The following ALG14 variants were observed in gnomAD, a reference collection of about 807,000 sequenced individuals.
ALG14 encodes UDP-N-acetylglucosamine transferase subunit ALG14.
In ALG14, 17 loss-of-function variants were observed where a neutral mutation model predicts 22.8. The ratio of observed to expected loss-of-function variants is 0.75; its 90% confidence interval spans 0.51 to 1.12. The LOEUF (loss-of-function observed/expected upper bound fraction) is 1.12, where lower values mean the gene tolerates loss of function less well. Among genes scored for constraint, ALG14 ranks in the 50% most tolerant of loss-of-function variants. The pLI is 0.00. For synonymous variants in ALG14, 89 were observed against 103.7 expected (o/e 0.86, Z 0.86); for missense variants, 288 against 271.8 (o/e 1.06, Z -0.42).
chr1:95,071,736 T>A (rs1675572340), intron 1 of ALG14, among the ~76,000 whole-genome samples: 1 of 152,192 alleles, frequency 6.6e-6, no homozygotes, highest in Non-Finnish European at 1.5e-5. Flanking sequence ...CTTTCAAGTT[T>A]CAGTTTAGCA....
rs1326193720 is a variant in ALG14 at position 95,064,295 on chromosome 1, T to G, written c.288+571A>C. Among the ~76,000 whole-genome samples the G allele has an allele frequency of 2.6e-5, 4 of 152,348 alleles. No individual in the cohort carries two copies. In the East Asian group the frequency reaches 7.7e-4, roughly 29 times the overall value. ...ATTTCTTTCTCTTTCCTGATTGCCC[T>G]GGCCAGAACTTCCAATACTATGTTG... On this transcript the variant is annotated intron_variant, in intron 2 of 3. Coordinates refer to ENST00000370205, the MANE Select transcript of ALG14 (RefSeq NM_144988.4).
chr1:94,979,163 A>G lies in ALG14; in HGVS notation c.*3913T>C, dbSNP rs1307976687. The G allele has an allele frequency of 1.3e-5, 2 of 152,182 alleles. No individual in the cohort carries two copies. Among genetic ancestry groups the G allele is most frequent in the African/African-American group, 4.8e-5 (2 of 41,414 alleles). The allele number at this position is 152,182 out of a possible 1,614,324, so 9.4% of individuals were successfully genotyped here. A position where few individuals can be genotyped will look rare whatever the true frequency, so the allele number is the denominator to read the frequency against. ...GCCAGGTGTGGTGGTGCATGCCTGT[A>G]ATCCCAGCTACTCGGGAGGCTGAGG... is the stretch of plus-strand genomic sequence containing the variant. On this transcript the variant is annotated 3_prime_UTR_variant, in exon 4 of 4. Coordinates refer to ENST00000370205, the MANE Select transcript of ALG14 (RefSeq NM_144988.4).
intron 2 of ALG14, among the ~76,000 whole-genome samples, chr1:95,049,346 C>T (rs1480568437): frequency 6.6e-6 from 1 of 151,918 alleles, no homozygotes; most frequent in Non-Finnish European, 1.5e-5. Flanking sequence ...CAGTCTGGGC[C>T]ACATGGCAAA....
At chr1:95,001,594 C>T (rs189389351) in intron 3 of ALG14, among the ~76,000 whole-genome samples, 37 of 152,274 alleles carry the variant, frequency 2.4e-4, no homozygotes, top group East Asian at 1.2e-3. Flanking sequence ...CTCCCGGGCT[C>T]GAGCAATTCT....
At chr1:95,002,766 A>T (rs1673101590) in intron 3 of ALG14, among the ~76,000 whole-genome samples, 1 of 152,230 alleles carries the variant, frequency 6.6e-6, no homozygotes, top group African/African-American at 2.4e-5. Context: ...GCTGGCAAGC[A>T]CATGTGAGCT....
chr1:95,036,655 G>C (rs1674204384), intron 2 of ALG14, among the ~76,000 whole-genome samples: 1 of 152,014 alleles, frequency 6.6e-6, no homozygotes, highest in Non-Finnish European at 1.5e-5. Flanking sequence ...TCAAACTCCT[G>C]ATTTCAGGTG....
intron 3 of ALG14, among the ~76,000 whole-genome samples, chr1:95,003,691 C>T (rs552135044): frequency 2.0e-5 from 3 of 152,082 alleles, no homozygotes; most frequent in African/African-American, 7.2e-5. Context: ...AACTCTTGGC[C>T]TCAAACAATC....
Position 95,050,201 on chromosome 1 carries a change from T to C in ALG14, c.288+14665A>G, listed in dbSNP as rs531093904. ...GCCAAAGCACAAAGTGCAGTTACTA[T>C]TAATGCTTTAAAATGATCCAGATTT... On this transcript the variant is annotated intron_variant, in intron 2 of 3. Transcript: ENST00000370205. 2.6e-5 allele frequency among the ~76,000 whole-genome samples: 4 copies of C among 152,284 alleles called. No homozygotes were observed. In the East Asian group the frequency reaches 7.7e-4, roughly 29 times the overall value.
At chr1:95,028,921 G>A (rs1673909807) in intron 2 of ALG14, among the ~76,000 whole-genome samples, 1 of 152,132 alleles carries the variant, frequency 6.6e-6, no homozygotes, top group African/African-American at 2.4e-5. Flanking sequence ...TTTAAAATTT[G>A]CAACAAGAAA....
At chr1:95,040,631 A>G (rs902294689) in intron 2 of ALG14, among the ~76,000 whole-genome samples, 7 of 152,196 alleles carry the variant, frequency 4.6e-5, no homozygotes, top group Admixed American at 2.6e-4. Flanking sequence ...GAATTCCAAA[A>G]CAGGCCATGT....
chr1:95,017,997 C>T (rs1276151521), intron 3 of ALG14, among the ~76,000 whole-genome samples: 1 of 152,026 alleles, frequency 6.6e-6, no homozygotes, highest in Non-Finnish European at 1.5e-5. Flanking sequence ...TCTCATTACT[C>T]CTATTTGATA....
chr1:95,055,906 A>T lies in ALG14; in HGVS notation c.288+8960T>A, dbSNP rs549921895. 4.2e-5 allele frequency among the ~76,000 whole-genome samples: 6 copies of T among 142,292 alleles called. No individual in the cohort carries two copies. In the South Asian group the frequency reaches 1.4e-3, roughly 34 times the overall value. 93.3% of individuals were successfully genotyped at this position (142,292 alleles called of 152,430 possible). ...GTGCCTGTAGTCCCAGCTACTTGGG[A>T]GGCTGAGGCAGGAGAATGGCATGAA... On this transcript the variant is annotated intron_variant, in intron 2 of 3. Coordinates refer to ENST00000370205, the MANE Select transcript of ALG14 (RefSeq NM_144988.4).
At position 95,036,703 on chromosome 1, in the gene ALG14, G is replaced by A. The variant is rs553422511; in HGVS notation, c.289-9443C>T. 1.8e-4 allele frequency among the ~76,000 whole-genome samples: 28 copies of A among 152,040 alleles called. No individual in the cohort carries two copies. In the South Asian group the frequency reaches 4.6e-3, roughly 25 times the overall value. On this transcript the variant is annotated intron_variant, in intron 2 of 3. Coordinates refer to ENST00000370205, the MANE Select transcript of ALG14 (RefSeq NM_144988.4). The stretch of plus-strand genomic sequence containing the variant: ...CGACCTCCCAAAGTGCTGGGATTAA[G>A]GGCGTGAGCCACCGCGCCTGGCCCA...
chr1:95,069,848 A>G (rs74103639), intron 1 of ALG14, among the ~76,000 whole-genome samples: 7,762 of 152,094 alleles, frequency 0.051, 208 homozygotes, highest in South Asian at 0.065. Flanking sequence ...TGGTCATAAA[A>G]CCTAAAAATA....
chr1:95,058,097 C>T (rs1674999703), intron 2 of ALG14, among the ~76,000 whole-genome samples: 1 of 150,720 alleles, frequency 6.6e-6, no homozygotes, highest in African/African-American at 2.4e-5. Context: ...ACCATCCTGG[C>T]CAACATGGTG....
chr1:95,018,073 A>G (rs1673553033), intron 3 of ALG14, among the ~76,000 whole-genome samples: 1 of 152,214 alleles, frequency 6.6e-6, no homozygotes, highest in African/African-American at 2.4e-5. Flanking sequence ...AACTACTGAC[A>G]AAGATGAGAG....
chr1:94,997,520 C>T (rs1477755394), intron 3 of ALG14, among the ~76,000 whole-genome samples: 3 of 152,104 alleles, frequency 2.0e-5, no homozygotes, highest in Non-Finnish European at 1.5e-5. Context: ...CACTGATGGT[C>T]CAGGGAAGGG....
chr1:94,994,708 C>T (rs948130138), intron 3 of ALG14, among the ~76,000 whole-genome samples: 7 of 152,196 alleles, frequency 4.6e-5, no homozygotes, highest in Admixed American at 4.6e-4. Flanking sequence ...ACTGGCCTGG[C>T]TGAGGCCTGC....
intron 2 of ALG14, among the ~76,000 whole-genome samples, chr1:95,058,478 G>A (rs1055570328): frequency 1.2e-4 from 18 of 146,752 alleles, no homozygotes; most frequent in African/African-American, 3.8e-4. Context: ...TTAGCTGGGC[G>A]CCGTGGCACA....
Sources: gnomAD v4.1 joint callset for allele counts (sites outside exome capture counted in the v4.1 genomes callset) on GRCh38, gnomAD v4.1.1 for gene constraint, MANE v1.5 for transcripts, NCBI Gene and HGNC (gene_info 2026-07-23, HGNC 2026-07-21) for gene names.